The following C1QTNF3 variants were observed in gnomAD, a reference collection of about 807,000 sequenced individuals.
C1QTNF3 encodes complement C1q tumor necrosis factor-related protein 3.
In C1QTNF3, 26 loss-of-function variants were observed where a neutral mutation model predicts 32.6. That is an observed-to-expected ratio of 0.80 (90% CI 0.58 to 1.11). The LOEUF is 1.11. Ranked by LOEUF, C1QTNF3 falls within the 50% of genes least tolerant of loss-of-function variation. C1QTNF3 has a pLI of 0.00. For missense variants in C1QTNF3, 362 were observed against 398.2 expected (o/e 0.91, Z 0.77); for synonymous variants, 155 against 146.0 (o/e 1.06, Z -0.44).
the C1QTNF3 span, among the ~76,000 whole-genome samples, chr5:34,155,484 T>G: frequency 1.3e-5 from 2 of 152,234 alleles, no homozygotes; most frequent in Non-Finnish European, 2.9e-5. Context: ...CTACACAGAA[T>G]GTACCTGTTT....
At chr5:34,175,977 G>T in the C1QTNF3 span, 1 of 794,178 alleles carries the variant, frequency 1.3e-6, no homozygotes, top group Non-Finnish European at 2.3e-6. Context: ...AAGGCAAAGA[G>T]AAGAGTAAGA....
upstream of C1QTNF3, among the ~76,000 whole-genome samples, chr5:34,044,622 C>T (rs1001990242): frequency 2.6e-5 from 4 of 152,132 alleles, no homozygotes; most frequent in Non-Finnish European, 4.4e-5. Flanking sequence ...CCAGAACAGC[C>T]GCTTCCAGAG....
At chr5:34,219,042 G>A in the C1QTNF3 span, among the ~76,000 whole-genome samples, 13 of 152,166 alleles carry the variant, frequency 8.5e-5, no homozygotes, top group African/African-American at 2.4e-4. Context: ...TTTGCACACA[G>A]AAATATATTT....
At chr5:34,115,662 C>T in the C1QTNF3 span, among the ~76,000 whole-genome samples, 4 of 149,946 alleles carry the variant, frequency 2.7e-5, no homozygotes, top group African/African-American at 4.9e-5. Flanking sequence ...ACCCGGGAGG[C>T]GAAGCTTGCA....
At chr5:34,022,837 T>C (rs1049485010) in intron 5 of C1QTNF3, among the ~76,000 whole-genome samples, 2 of 152,022 alleles carry the variant, frequency 1.3e-5, no homozygotes, top group Non-Finnish European at 2.9e-5. Flanking sequence ...GTTTTTTTGT[T>C]TGTTTGTTTG....
At chr5:34,071,652 C>T in the C1QTNF3 span, among the ~76,000 whole-genome samples, 2 of 152,172 alleles carry the variant, frequency 1.3e-5, no homozygotes, top group Admixed American at 1.3e-4. Context: ...GATGATAGAA[C>T]AAGTTTTACC....
chr5:34,170,019 A>G, the C1QTNF3 span, among the ~76,000 whole-genome samples: 2 of 152,224 alleles, frequency 1.3e-5, no homozygotes, highest in Admixed American at 6.5e-5. Flanking sequence ...TAGCCAATAT[A>G]TGGAAATGAC....
the C1QTNF3 span, among the ~76,000 whole-genome samples, chr5:34,056,479 TAGAGAGAGAGAGAGAGAGAGAGAG>T: frequency 2.1e-4 from 11 of 51,756 alleles, no homozygotes; most frequent in African/African-American, 5.8e-4. Context: ...TATATATATA[TAGAGAGAGAGAGAGAGAGAGAGAG>T]AGAGAGAGAG....
the C1QTNF3 span, among the ~76,000 whole-genome samples, chr5:34,226,621 CA>C: frequency 2.6e-5 from 4 of 151,476 alleles, no homozygotes; most frequent in South Asian, 2.1e-4. Context: ...CTGAACAACA[CA>C]AGGTTTAGGG....
chr5:34,215,387 G>A, the C1QTNF3 span, among the ~76,000 whole-genome samples: 1 of 152,226 alleles, frequency 6.6e-6, no homozygotes, highest in African/African-American at 2.4e-5. Context: ...TACAGCAACA[G>A]AGCAGACACT....
At chr5:34,066,835 A>G in the C1QTNF3 span, among the ~76,000 whole-genome samples, 2 of 152,172 alleles carry the variant, frequency 1.3e-5, no homozygotes, top group Admixed American at 1.3e-4. Context: ...GCTGGCTTTA[A>G]TTTCTCCTCA....
the C1QTNF3 span, among the ~76,000 whole-genome samples, chr5:34,178,113 A>C: frequency 2.0e-5 from 3 of 149,552 alleles, no homozygotes; most frequent in African/African-American, 4.9e-5. Context: ...CTAAAAAAAA[A>C]AAAAAAAAAA....
chr5:34,020,508 T>G lies in C1QTNF3; in HGVS notation c.*75A>C, dbSNP rs1754298203. On this transcript the variant is annotated 3_prime_UTR_variant, in exon 6 of 6. Coordinates refer to ENST00000382065, the MANE Select transcript of C1QTNF3 (RefSeq NM_181435.6). Reference sequence around the variant, plus strand: ...ATACAGCAATGTAAAACCCTCAACTTTAATGTTCCTCAGATCGTAACAAAT... The same window carrying G: ...ATACAGCAATGTAAAACCCTCAACTGTAATGTTCCTCAGATCGTAACAAAT... The G allele has an allele frequency of 6.5e-7, 1 of 1,527,238 alleles. No homozygotes were observed. Among genetic ancestry groups the G allele is most frequent in the Non-Finnish European group, 8.9e-7 (1 of 1,123,250 alleles). 94.6% of individuals were successfully genotyped at this position (1,527,238 alleles called of 1,614,324 possible).
At chr5:34,061,283 C>A in the C1QTNF3 span, among the ~76,000 whole-genome samples, 1 of 152,216 alleles carries the variant, frequency 6.6e-6, no homozygotes, top group Non-Finnish European at 1.5e-5. Flanking sequence ...GCCTCCTTCA[C>A]AGCTGCTTTC....
At chr5:34,044,688 C>T (rs1406692765), upstream of C1QTNF3, among the ~76,000 whole-genome samples, 1 of 152,114 alleles carries the variant, frequency 6.6e-6, no homozygotes, top group South Asian at 2.1e-4. Context: ...GAGAGTTACT[C>T]TGTGAACTAA....
the C1QTNF3 span, among the ~76,000 whole-genome samples, chr5:34,119,050 C>T: frequency 6.6e-6 from 1 of 152,090 alleles, no homozygotes; most frequent in Non-Finnish European, 1.5e-5. Context: ...AAAAACAAAA[C>T]ACAGCAGAAA....
chr5:34,162,842 T>G, the C1QTNF3 span, among the ~76,000 whole-genome samples: 1 of 152,144 alleles, frequency 6.6e-6, no homozygotes, highest in Admixed American at 6.6e-5. Context: ...TAGTATTCAT[T>G]TGGATTTTAA....
the C1QTNF3 span, among the ~76,000 whole-genome samples, chr5:34,155,397 A>AC: frequency 6.6e-6 from 1 of 152,202 alleles, no homozygotes; most frequent in Non-Finnish European, 1.5e-5. Context: ...GTACCTTTTG[A>AC]CCTTCATATC....
the C1QTNF3 span, among the ~76,000 whole-genome samples, chr5:34,134,606 C>T: frequency 1.3e-5 from 2 of 152,118 alleles, no homozygotes; most frequent in Non-Finnish European, 2.9e-5. Context: ...AAGTACAATA[C>T]AGAAAGTGAC....
Sources: gnomAD v4.1 joint callset for allele counts (sites outside exome capture counted in the v4.1 genomes callset) on GRCh38, gnomAD v4.1.1 for gene constraint, MANE v1.5 for transcripts, NCBI Gene and HGNC (gene_info 2026-07-23, HGNC 2026-07-21) for gene names.